The following TMEM101 variants were observed in gnomAD, a reference collection of about 807,000 sequenced individuals.
TMEM101 encodes putative NF-kappa-B-activating protein 130.
Under a neutral mutation model 26.0 loss-of-function variants are expected in TMEM101, and 14 were observed. That is an observed-to-expected ratio of 0.54 (90% CI 0.36 to 0.84). The LOEUF (loss-of-function observed/expected upper bound fraction) is 0.84, where lower values mean the gene tolerates loss of function less well. Ranked by LOEUF, TMEM101 falls within the 40% of genes least tolerant of loss-of-function variation. The probability of loss-of-function intolerance (pLI) is 0.01; values close to 1 mark genes in which losing one functional copy is unlikely to be tolerated. For missense variants in TMEM101, 292 were observed against 345.1 expected, an observed-to-expected ratio of 0.85 and a Z score of 1.22; for synonymous variants, 152 against 145.1, an observed-to-expected ratio of 1.05 and a Z score of -0.34.
At position 44,011,903 on chromosome 17, in the gene TMEM101, C is replaced by T; in HGVS notation, c.*25G>A. On this transcript the variant is annotated 3_prime_UTR_variant, in exon 4 of 4. Coordinates refer to ENST00000206380, the MANE Select transcript of TMEM101 (RefSeq NM_032376.4). Reference sequence around the variant, plus strand: ...GGTGACCCTCAGTGGCTCCCTGTGCCCATCTCAGCCTCTTGCCATAAAACT... The same window carrying T: ...GGTGACCCTCAGTGGCTCCCTGTGCTCATCTCAGCCTCTTGCCATAAAACT... The T allele has an allele frequency of 6.3e-7, 1 of 1,582,302 alleles. No homozygotes were observed. Among genetic ancestry groups the T allele is most frequent in the Non-Finnish European group, 8.6e-7 (1 of 1,160,702 alleles).
In TMEM101 at chr17:44,013,154, A is replaced by C. The variant is rs978591084; in HGVS notation, c.320T>G (p.Val107Gly). The C allele has an allele frequency of 3.2e-6, 5 of 1,563,372 alleles. No homozygotes were observed. The highest frequency in any genetic ancestry group is 3.5e-6 in the Non-Finnish European group (4 of 1,145,178). The stretch of plus-strand genomic sequence containing the variant: ...GGCAACTGTGCGCGAGTACATACGG[A>C]CCTAGGCCGGGGTAAGGGGACCCCA... ...GYVHYGDWLK[V>G]RMYSRTVAII... Residue 107 changes from valine (V) to glycine (G), a missense_variant and splice_region_variant, in exon 3 of 4, where the codon GTC becomes GGC. This residue lies in a region of TMEM101 where 149 missense variants were observed against 211.9 expected (regional missense o/e 0.70). Coordinates refer to ENST00000206380, the MANE Select transcript of TMEM101 (RefSeq NM_032376.4).
intron 2 of TMEM101, 33 bp from the exon 3 acceptor site, chr17:44,013,188 C>G: frequency 6.7e-7 from 1 of 1,485,996 alleles, no homozygotes; most frequent in Non-Finnish European, 9.0e-7. Flanking sequence ...CAGTCAAGAA[C>G]TGCAGCCGCC....
In TMEM101 at chr17:44,014,459, G is replaced by T. The variant is rs2049202137; in HGVS notation, c.216C>A (p.Gly72=). The T allele has an allele frequency of 1.3e-6, 2 of 1,561,648 alleles. No homozygotes were observed. The highest frequency in any genetic ancestry group is 2.4e-5 in the South Asian group (2 of 84,900). Residue 72 remains glycine, a synonymous_variant, in exon 2 of 4, where the codon GGC becomes GGA. Coordinates refer to ENST00000206380, the MANE Select transcript of TMEM101 (RefSeq NM_032376.4). The part of the protein sequence containing the change: ...AVLCASFMSF[G]VKRRWFALGA... ...CCAGCGCGAACCAGCGCCGCTTCAC[G>T]CCAAAGGACATGAAACTAGCGCACA...
At chr17:44,018,372 T>C (rs1256473332), upstream of TMEM101, among the ~76,000 whole-genome samples, 1 of 152,052 alleles carries the variant, frequency 6.6e-6, no homozygotes, top group Non-Finnish European at 1.5e-5. Flanking sequence ...TGCAAAGAAC[T>C]AGGGAATGAG....
chr17:44,015,069 C>T (rs1206834391), upstream of TMEM101: 1 of 1,410,164 alleles, frequency 7.1e-7, no homozygotes, highest in Non-Finnish European at 9.5e-7. Flanking sequence ...ACAACGGTGT[C>T]ATTCTCTAGT....
chr17:44,018,333 T>TA (rs1340278617), upstream of TMEM101, among the ~76,000 whole-genome samples: 3 of 151,748 alleles, frequency 2.0e-5, no homozygotes, highest in Non-Finnish European at 4.4e-5. Context: ...CTCTAAAAAG[T>TA]AAAAAAACAC....
upstream of TMEM101, chr17:44,014,989 T>G (rs766926273): frequency 1.8e-5 from 28 of 1,564,516 alleles, no homozygotes; most frequent in Admixed American, 3.9e-5. Context: ...CTCACCCCAG[T>G]CAGAGAAGCA....
Position 44,014,376 on chromosome 17 carries a change from T to C in TMEM101, c.299A>G (p.His100Arg). 2 of 1,553,480 alleles carry C rather than the reference T, an allele frequency of 1.3e-6. No individual in the cohort carries two copies. The highest frequency in any genetic ancestry group is 1.2e-5 in the South Asian group (1 of 84,312). The change falls in exon 2 of 4, where the codon CAC becomes CGC. Residue 100 changes from histidine (H) to arginine (R), a missense_variant. His to Arg is a conservative substitution (Grantham distance 29, BLOSUM62 0). This residue lies in a region of TMEM101 where 149 missense variants were observed against 211.9 expected (regional missense o/e 0.70). Coordinates refer to ENST00000206380, the MANE Select transcript of TMEM101 (RefSeq NM_032376.4). ...GCTCACCTTCAGCCAGTCCCCGTAG[T>C]GGACGTAGCCCCCGATGTAGGCGGC... ...TYAAYIGGYVHYGDWLKVRMY... is the reference protein window; with the variant it reads ...TYAAYIGGYVRYGDWLKVRMY...
At chr17:44,013,321 T>C (rs758362805) in intron 2 of TMEM101, among the ~76,000 whole-genome samples, 166 bp from the exon 3 acceptor site, 28 of 151,938 alleles carry the variant, frequency 1.8e-4, no homozygotes, top group Non-Finnish European at 3.8e-4. Flanking sequence ...TCATTCTTTT[T>C]ATATATATAT....
intron 3 of TMEM101, 73 bp downstream of exon 3, chr17:44,012,936 T>C (rs1221330238): frequency 7.0e-6 from 10 of 1,437,244 alleles, no homozygotes; most frequent in Non-Finnish European, 9.3e-6. Flanking sequence ...TCTACCTTCC[T>C]GGGGTTCTGC....
Position 44,011,574 on chromosome 17 carries a change from C to A in TMEM101, c.*354G>T. The A allele has an allele frequency of 3.4e-6, 1 of 292,128 alleles. No homozygotes were observed. Among genetic ancestry groups the A allele is most frequent in the Non-Finnish European group, 6.5e-6 (1 of 154,208 alleles). The allele number at this position is 292,128 out of a possible 1,614,324, so 18.1% of individuals were successfully genotyped here. A position where few individuals can be genotyped will look rare whatever the true frequency, so the allele number is the denominator to read the frequency against. ...GGAATTTTTCACATTTGCTCACTTC[C>A]AATCTCCATCTTCCTTCCTCTGTCT... On this transcript the variant is annotated 3_prime_UTR_variant, in exon 4 of 4. Transcript: ENST00000206380.
chr17:44,021,916 G>A (rs1041895615), intron 1 of TMEM101, among the ~76,000 whole-genome samples: 2 of 152,186 alleles, frequency 1.3e-5, no homozygotes, highest in African/African-American at 4.8e-5. Flanking sequence ...TTCTGCCTAA[G>A]GCTCCAATTA....
intron 2 of TMEM101, 79 bp downstream of exon 2, chr17:44,014,278 G>A (rs888300761): frequency 5.2e-5 from 77 of 1,473,712 alleles, no homozygotes; most frequent in Non-Finnish European, 6.7e-5. Flanking sequence ...ACCATTCATC[G>A]CCCACCAACA....
rs999958173 is a variant in TMEM101 at position 44,020,051 on chromosome 17, A to C, written c.-210+1271T>G. On this transcript the variant is annotated intron_variant, in intron 2 of 4. Coordinates refer to the TMEM101 transcript ENST00000585950. ...ATCATTAAGAGCTTTTTCTACATGT[A>C]AGCTGAATGTTTGAATTTGTTGCTG... Among the ~76,000 whole-genome samples the C allele has an allele frequency of 3.9e-5, 6 of 152,320 alleles. 1 individual carries two copies. Among genetic ancestry groups the C allele is most frequent in the Admixed American group, 2.0e-4 (3 of 15,302 alleles).
chr17:44,014,902 CT>C lies in TMEM101; in HGVS notation c.50del (p.Gln17ArgfsTer57). 2 of 1,614,092 alleles carry C rather than the reference CT, an allele frequency of 1.2e-6. No homozygotes were observed. The highest frequency in any genetic ancestry group is 8.5e-7 in the Non-Finnish European group (1 of 1,179,970). On this transcript the variant is annotated frameshift_variant, in exon 1 of 4. Transcript: ENST00000206380. LOFTEE classifies it high-confidence loss of function. The stretch of plus-strand genomic sequence containing the variant: ...AGCGTGTGAGCAGCACCGAACCCAA[CT>C]GCATGATCAGCTGCAACATCCACCG... Reference protein sequence around the residue: ...SRRWMLQLIMQLGSVLLTRCP... With the variant: ...SRRWMLQLIMXLGSVLLTRCP...
intron 1 of TMEM101, among the ~76,000 whole-genome samples, chr17:44,021,936 T>G (rs2049289180): frequency 6.6e-6 from 1 of 152,218 alleles, no homozygotes; most frequent in Non-Finnish European, 1.5e-5. Context: ...AGCATGTTGA[T>G]TTAGGACAGT....
rs1002985435 is a variant in TMEM101, at chr17:44,014,633, C to A, written c.138-96G>T. 12 of 1,518,628 alleles carry A rather than the reference C, an allele frequency of 7.9e-6. No individual in the cohort carries two copies. In the Admixed American group the frequency reaches 1.3e-4, roughly 16 times the overall value. 94.1% of individuals were successfully genotyped at this position (1,518,628 alleles called of 1,614,324 possible). A position where few individuals can be genotyped will look rare whatever the true frequency, so the allele number is the denominator to read the frequency against. On this transcript the variant is annotated intron_variant, in intron 1 of 3. Transcript: ENST00000206380. ...AGTTCCCACAGGCTCCACTGCTCCC[C>A]CAAACCAGACTCCCCTCCCATGGGC...
At chr17:44,015,045 T>C, upstream of TMEM101, 2 of 1,482,142 alleles carry the variant, frequency 1.3e-6, no homozygotes, top group Non-Finnish European at 1.8e-6. Flanking sequence ...CGCTTTTTCT[T>C]TTTCCTCCCG....
At chr17:44,017,608 A>AC (rs1380242844), upstream of TMEM101, among the ~76,000 whole-genome samples, 7,177 of 136,898 alleles carry the variant, frequency 0.052, 272 homozygotes, top group Non-Finnish European at 0.071. Flanking sequence ...AAAAAAAAAA[A>AC]AAAAAAAAGC....
Sources: allele counts gnomAD v4.1 joint callset (sites outside exome capture counted in the v4.1 genomes callset), GRCh38; gene constraint gnomAD v4.1.1; regional missense constraint gnomAD v4.1.1; transcripts MANE v1.5; gene names NCBI Gene and HGNC (gene_info 2026-07-23, HGNC 2026-07-21).